Variants in CTNND2 observed in about 807,000 individuals in gnomAD.
CTNND2 encodes the protein catenin delta 2.
In CTNND2, 22 loss-of-function variants were observed where a neutral mutation model predicts 144.4. The observed-to-expected ratio is 0.15, with a 90% CI of 0.11 to 0.22. The LOEUF is 0.22. Among genes scored for constraint, CTNND2 ranks in the 10% least tolerant of loss-of-function variants. The pLI is 1.00. For synonymous variants in CTNND2, 751 were observed against 695.6 expected, an observed-to-expected ratio of 1.08 and a Z score of -1.25; for missense variants, 1,353 against 1,618.8, an observed-to-expected ratio of 0.84 and a Z score of 2.82.
At chr5:11,835,907 T>G (rs1174697468) in intron 1 of CTNND2, among the ~76,000 whole-genome samples, 2 of 152,204 alleles carry the variant, frequency 1.3e-5, no homozygotes, top group Non-Finnish European at 2.9e-5. Context: ...GCTGGGAGAT[T>G]AGATTACTGT....
chr5:11,857,024 C>G (rs1795284367), intron 1 of CTNND2, among the ~76,000 whole-genome samples: 1 of 151,990 alleles, frequency 6.6e-6, no homozygotes, highest in Admixed American at 6.6e-5. Flanking sequence ...GATATAAGAC[C>G]ATGCATTTAA....
At chr5:11,098,793 T>A (rs1323305482) in intron 14 of CTNND2, 45 bp from the exon 15 acceptor site, 1 of 1,590,254 alleles carries the variant, frequency 6.3e-7, no homozygotes, top group East Asian at 2.2e-5. Context: ...AACATCTTTA[T>A]GCTTCCCAAC....
chr5:11,413,284 T>C (rs1761686975), intron 3 of CTNND2, among the ~76,000 whole-genome samples: 1 of 152,110 alleles, frequency 6.6e-6, no homozygotes, highest in South Asian at 2.1e-4. Flanking sequence ...AAAATAGAAA[T>C]GTAATAAAAA....
chr5:11,692,065 T>C (rs1198132852), intron 2 of CTNND2, among the ~76,000 whole-genome samples: 1 of 152,188 alleles, frequency 6.6e-6, no homozygotes, highest in Non-Finnish European at 1.5e-5. Context: ...AAAAAAAGTT[T>C]TCCTAATATC....
chr5:11,852,898 G>A (rs1011002600), intron 1 of CTNND2, among the ~76,000 whole-genome samples: 13 of 152,102 alleles, frequency 8.5e-5, no homozygotes, highest in Non-Finnish European at 1.5e-5. Context: ...CAGCTGAAAG[G>A]TCCAAGTAAT....
intron 12 of CTNND2, among the ~76,000 whole-genome samples, chr5:11,131,585 A>C (rs1381601534): frequency 2.0e-5 from 3 of 152,222 alleles, no homozygotes; most frequent in Non-Finnish European, 4.4e-5. Context: ...CAGGAGATCG[A>C]GACCATCCTG....
At chr5:11,070,941 G>A (rs964852496) in intron 16 of CTNND2, among the ~76,000 whole-genome samples, 12 of 151,846 alleles carry the variant, frequency 7.9e-5, no homozygotes, top group African/African-American at 2.7e-4. Flanking sequence ...TGTATATGGA[G>A]AGGGAAGAGG....
intron 16 of CTNND2, among the ~76,000 whole-genome samples, chr5:11,068,649 C>T (rs1034850629): frequency 3.9e-5 from 6 of 152,228 alleles, no homozygotes; most frequent in South Asian, 2.1e-4. Context: ...GGCGCGGTGG[C>T]TCACGCCTGT....
At chr5:11,464,267 G>T (rs1216214534) in intron 3 of CTNND2, among the ~76,000 whole-genome samples, 1 of 152,148 alleles carries the variant, frequency 6.6e-6, no homozygotes, top group Non-Finnish European at 1.5e-5. Flanking sequence ...ATGTTAGAAG[G>T]TGATGAAAAA....
intron 2 of CTNND2, among the ~76,000 whole-genome samples, chr5:11,598,214 T>G (rs528968093): frequency 2.0e-5 from 3 of 152,202 alleles, no homozygotes; most frequent in African/African-American, 7.2e-5. Context: ...TAATCATTTA[T>G]AGTTTTAAGT....
At chr5:11,493,093 G>C (rs1444477071) in intron 3 of CTNND2, among the ~76,000 whole-genome samples, 1 of 152,066 alleles carries the variant, frequency 6.6e-6, no homozygotes, top group African/African-American at 2.4e-5. Flanking sequence ...CTGGATGACG[G>C]AGTGAGACTC....
At chr5:11,867,439 G>A (rs184937509) in intron 1 of CTNND2, among the ~76,000 whole-genome samples, 14 of 152,280 alleles carry the variant, frequency 9.2e-5, no homozygotes, top group Admixed American at 3.3e-4. Context: ...TTAACGAGCT[G>A]TTTAAGATTT....
rs1737898455 is a variant in CTNND2 at position 11,205,046 on chromosome 5, T to C, written c.1762-5385A>G. ...GTAAGGACCTGGGTGTGTGCTGCTA[T>C]TCCTCTCAGGAATCTTTCATTTTAA... On this transcript the variant is annotated intron_variant, in intron 10 of 21. Transcript: ENST00000304623. 2.0e-5 allele frequency among the ~76,000 whole-genome samples: 3 copies of C among 152,310 alleles called. No individual in the cohort carries two copies. In the South Asian group the frequency reaches 6.2e-4, roughly 32 times the overall value.
At chr5:11,185,697 T>C (rs1735558641) in intron 11 of CTNND2, among the ~76,000 whole-genome samples, 1 of 152,142 alleles carries the variant, frequency 6.6e-6, no homozygotes, top group Non-Finnish European at 1.5e-5. Context: ...CTCTAACGGA[T>C]AACCAAAAAG....
At chr5:11,775,917 G>A (rs1006077910) in intron 1 of CTNND2, among the ~76,000 whole-genome samples, 4 of 152,124 alleles carry the variant, frequency 2.6e-5, no homozygotes. Flanking sequence ...GGACACAGAC[G>A]CACACACACA....
intron 3 of CTNND2, among the ~76,000 whole-genome samples, chr5:11,543,239 G>C (rs1177519166): frequency 2.0e-5 from 3 of 152,136 alleles, no homozygotes; most frequent in African/African-American, 7.2e-5. Flanking sequence ...ACACTTCTTT[G>C]GGTTGAAATA....
chr5:11,325,371 T>C (rs1752427566), intron 9 of CTNND2, among the ~76,000 whole-genome samples: 1 of 152,118 alleles, frequency 6.6e-6, no homozygotes, highest in Non-Finnish European at 1.5e-5. Context: ...TGAGTTATCA[T>C]CATGTGGGCA....
chr5:11,495,589 C>T (rs980679986), intron 3 of CTNND2, among the ~76,000 whole-genome samples: 1 of 152,142 alleles, frequency 6.6e-6, no homozygotes, highest in African/African-American at 2.4e-5. Context: ...ATCACTTCCC[C>T]TTGAGATCTG....
At chr5:11,879,147 C>T (rs572215834) in intron 1 of CTNND2, among the ~76,000 whole-genome samples, 2 of 151,660 alleles carry the variant, frequency 1.3e-5, no homozygotes, top group South Asian at 2.1e-4. Flanking sequence ...CCCAAGTACT[C>T]GGGACAGATG....
Sources: gnomAD v4.1 joint callset for allele counts (sites outside exome capture counted in the v4.1 genomes callset) on GRCh38, gnomAD v4.1.1 for gene constraint, MANE v1.5 for transcripts, NCBI Gene and HGNC (gene_info 2026-07-23, HGNC 2026-07-21) for gene names.